The following PCM1 variants were observed in gnomAD, a reference collection of about 807,000 sequenced individuals.
The protein encoded by PCM1 is pericentriolar material 1.
PCM1 carries 157 observed loss-of-function variants against 241.9 expected under a neutral mutation model. The ratio of observed to expected loss-of-function variants is 0.65; its 90% CI spans 0.57 to 0.74. The LOEUF is 0.74. Among genes scored for constraint, PCM1 ranks in the 30% least tolerant of loss-of-function variants. The pLI is 0.00. For missense variants in PCM1, 3,478 were observed against 2,360.1 expected (o/e 1.47, Z -9.81); for synonymous variants, 1,085 against 784.9 (o/e 1.38, Z -6.39).
chr8:17,962,278 C>T (rs1217194403), intron 16 of PCM1, 104 bp downstream of exon 16: 5 of 957,778 alleles, frequency 5.2e-6, no homozygotes, highest in Non-Finnish European at 7.5e-6. Flanking sequence ...ATCCTTGAAA[C>T]ATGTTTGTAA....
chr8:18,012,673 G>C (rs1588495422), intron 34 of PCM1, among the ~76,000 whole-genome samples: 2 of 152,222 alleles, frequency 1.3e-5, no homozygotes, highest in South Asian at 4.1e-4. Context: ...TTGTTTTCAA[G>C]TTGGTAAATT....
intron 6 of PCM1, among the ~76,000 whole-genome samples, chr8:17,944,009 A>T (rs568460898): frequency 1.3e-5 from 2 of 152,182 alleles, no homozygotes; most frequent in Non-Finnish European, 2.9e-5. Flanking sequence ...CTTGTATAAG[A>T]TGTCAGAAGA....
intron 18 of PCM1, 131 bp downstream of exon 18, chr8:17,964,899 C>T (rs1250607599): frequency 3.0e-6 from 2 of 675,238 alleles, no homozygotes; most frequent in South Asian, 3.7e-5. Context: ...ACACTAACTA[C>T]TCAGAGTTAG....
At chr8:18,016,473 A>T (rs1401382664) in intron 36 of PCM1, among the ~76,000 whole-genome samples, 1 of 150,780 alleles carries the variant, frequency 6.6e-6, no homozygotes, top group Non-Finnish European at 1.5e-5. Context: ...GTTTTAATCT[A>T]GATAAAATTG....
chr8:17,983,217 C>T (rs1368525511), intron 24 of PCM1: 3 of 1,305,098 alleles, frequency 2.3e-6, no homozygotes, highest in Middle Eastern at 2.1e-4. Flanking sequence ...ATCCTTATGT[C>T]TGCCCTTTCC....
rs945585428 is a variant in PCM1 at position 18,029,007 on chromosome 8, T to G, written c.*1345T>G. The stretch of plus-strand genomic sequence containing the variant: ...CTCTACTAAAAATAAAAAAATTAGC[T>G]GGGAGAGGTGGCACGTGCCTGTAGT... On this transcript the variant is annotated 3_prime_UTR_variant, in exon 39 of 39. Coordinates refer to ENST00000325083, the MANE Select transcript of PCM1 (RefSeq NM_006197.4). 5 of 176,458 alleles carry G rather than the reference T, an allele frequency of 2.8e-5. No homozygotes were observed. The highest frequency in any genetic ancestry group is 1.2e-4 in the African/African-American group (5 of 42,100). The allele number at this position is 176,458 out of a possible 1,614,324, so 10.9% of individuals were successfully genotyped here.
At chr8:17,983,162 C>A in intron 24 of PCM1, 1 of 648,080 alleles carries the variant, frequency 1.5e-6, no homozygotes, top group Non-Finnish European at 2.2e-6. Flanking sequence ...TTCACTTATT[C>A]ATGTTATAGA....
Position 17,985,557 on chromosome 8 carries a change from T to A in PCM1, c.4219T>A (p.Phe1407Ile), listed in dbSNP as rs1474040449. 1 of 1,604,550 alleles carries A rather than the reference T, an allele frequency of 6.2e-7. No individual in the cohort carries two copies. The highest frequency in any genetic ancestry group is 8.5e-7 in the Non-Finnish European group (1 of 1,174,696). The change falls in exon 25 of 39, where the codon TTC becomes ATC. Residue 1407 changes from phenylalanine (F) to isoleucine (I), a missense_variant. Physicochemically the swap from Phe to Ile is conservative, Grantham distance 21. Transcript: ENST00000325083. ...TCGTCCACATTTTCTTATTGAACTC[T>A]TCCATGAGCTGCAGCTACTAAACAC... ...ESRPHFLIEL[F>I]HELQLLNTDY...
At chr8:17,990,505 C>T (rs1455536687) in intron 27 of PCM1, among the ~76,000 whole-genome samples, 3 of 148,272 alleles carry the variant, frequency 2.0e-5, no homozygotes, top group Non-Finnish European at 3.0e-5. Context: ...TTTTCCCCCT[C>T]TCCCATCAGC....
At position 18,013,715 on chromosome 8, in the gene PCM1, A is replaced by G. The variant is rs146898253; in HGVS notation, c.5512-249A>G. The G allele has an allele frequency of 1.5e-4, 52 of 350,294 alleles. No homozygotes were observed. In the East Asian group the frequency reaches 2.3e-3, roughly 15 times the overall value. The allele number at this position is 350,294 out of a possible 1,614,324, so 21.7% of individuals were successfully genotyped here. A position where few individuals can be genotyped will look rare whatever the true frequency, so the allele number is the denominator to read the frequency against. ...TCTTTTAGAGTCTGAAAAAAAATGA[A>G]CAGTGCAGTCTGTTCGTTCCAGTTG... On this transcript the variant is annotated intron_variant, in intron 34 of 38. Transcript: ENST00000325083.
chr8:17,948,780 T>G (rs1418149669), intron 7 of PCM1, among the ~76,000 whole-genome samples: 1 of 152,222 alleles, frequency 6.6e-6, no homozygotes, highest in East Asian at 1.9e-4. Context: ...TAATGACTAG[T>G]ACTAGTTTGG....
intron 18 of PCM1, 72 bp downstream of exon 18, chr8:17,964,840 C>A (rs539493999): frequency 2.7e-6 from 3 of 1,118,550 alleles, no homozygotes; most frequent in East Asian, 4.7e-5. Context: ...GCAAGCACTT[C>A]TGCAGTTCTC....
intron 4 of PCM1, 87 bp from the exon 5 acceptor site, chr8:17,938,653 G>C: frequency 1.1e-6 from 1 of 887,674 alleles, no homozygotes; most frequent in Non-Finnish European, 1.8e-6. Context: ...ATCAATATCT[G>C]ATGGCGAAAC....
At chr8:18,012,757 C>G (rs181293059) in intron 34 of PCM1, among the ~76,000 whole-genome samples, 2 of 152,090 alleles carry the variant, frequency 1.3e-5, no homozygotes, top group African/African-American at 4.8e-5. Context: ...ATTATTAGTA[C>G]TCATGGATTG....
At chr8:18,005,219 G>A (rs1355035148) in intron 29 of PCM1, among the ~76,000 whole-genome samples, 1 of 152,024 alleles carries the variant, frequency 6.6e-6, no homozygotes, top group Non-Finnish European at 1.5e-5. Flanking sequence ...TGTATTTTGT[G>A]ATAAATAAGA....
rs1372209304 is a variant in PCM1, at chr8:17,962,127, A to G, written c.2416A>G (p.Ser806Gly). ...TGTTAATCAACACGAGACCAGTACA[A>G]GCAAATCTGTTTTTGAGCCTGAAGA... is the stretch of plus-strand genomic sequence containing the variant. ...PTVNQHETST[S>G]KSVFEPEDSS... Residue 806 changes from serine (S) to glycine (G), a missense_variant, in exon 16 of 39, where the codon AGC (serine) becomes GGC (glycine). By Grantham distance (56) the Ser-to-Gly change is moderately conservative. Transcript: ENST00000325083. The G allele has an allele frequency of 1.9e-6, 3 of 1,610,280 alleles. No homozygotes were observed. Among genetic ancestry groups the G allele is most frequent in the Admixed American group, 3.4e-5 (2 of 59,588 alleles).
chr8:17,998,834 A>G (rs73577764), intron 29 of PCM1, among the ~76,000 whole-genome samples: 2,240 of 152,162 alleles, frequency 0.015, 58 homozygotes, highest in African/African-American at 0.052. Flanking sequence ...TCTACCTGGT[A>G]TTCTGTCCTA....
At chr8:17,957,191 C>A in intron 11 of PCM1, 73 bp from the exon 12 acceptor site, 1 of 1,170,780 alleles carries the variant, frequency 8.5e-7, no homozygotes, top group East Asian at 2.4e-5. Context: ...ATTTTATTAG[C>A]AGTTCTAAAC....
At chr8:18,017,514 A>G (rs1779128244) in intron 36 of PCM1, among the ~76,000 whole-genome samples, 1 of 152,118 alleles carries the variant, frequency 6.6e-6, no homozygotes, top group South Asian at 2.1e-4. Context: ...CAGTCCTCTA[A>G]TGGACCTACC....
Sources: gnomAD v4.1 joint callset for allele counts (sites outside exome capture counted in the v4.1 genomes callset) on GRCh38, gnomAD v4.1.1 for gene constraint, MANE v1.5 for transcripts, NCBI Gene and HGNC (gene_info 2026-07-23, HGNC 2026-07-21) for gene names.